The following USP8 variants were observed in gnomAD, a reference collection of about 807,000 sequenced individuals.
The protein encoded by USP8 is ubiquitin carboxyl-terminal hydrolase 8.
In USP8, 27 loss-of-function variants were observed where a neutral mutation model predicts 130.0. The ratio of observed to expected loss-of-function variants is 0.21; its 90% confidence interval spans 0.15 to 0.29. The LOEUF (loss-of-function observed/expected upper bound fraction) is 0.29, where lower values mean the gene tolerates loss of function less well. USP8 is among the 10% of genes least tolerant of loss of function. The pLI is 1.00. For missense variants in USP8, 1,029 were observed against 1,312.2 expected, an observed-to-expected ratio of 0.78 and a Z score of 3.33; for synonymous variants, 392 against 444.1, an observed-to-expected ratio of 0.88 and a Z score of 1.48.
intron 12 of USP8, among the ~76,000 whole-genome samples, chr15:50,485,634 C>A: frequency 7.8e-6 from 1 of 128,276 alleles, no homozygotes; most frequent in East Asian, 2.5e-4. Context: ...TAGAACATTG[C>A]CGTCACACCA....
intron 17 of USP8, 38 bp from the exon 18 acceptor site, chr15:50,497,051 G>A (rs748537198): frequency 4.0e-5 from 63 of 1,568,096 alleles, no homozygotes; most frequent in Non-Finnish European, 5.0e-5. Flanking sequence ...TTGAAGAATC[G>A]AATTAACGAG....
rs2052693501 is a variant in USP8 at position 50,508,466 on chromosome 15, AAAAG to A, written c.*9379_*9382del. 1.3e-5 allele frequency: 2 copies of A among 152,156 alleles called. No homozygotes were observed. The highest frequency in any genetic ancestry group is 4.1e-4 in the South Asian group (2 of 4,834). 9.4% of individuals were successfully genotyped at this position (152,156 alleles called of 1,614,324 possible). A position where few individuals can be genotyped will look rare whatever the true frequency, so the allele number is the denominator to read the frequency against. ...TATGTTTGAAATATTCTATAATAAA[AAAAG>A]GCAGAGAAAGTGGGAGATAGACATT... is the stretch of plus-strand genomic sequence containing the variant. On this transcript the variant is annotated 3_prime_UTR_variant, in exon 20 of 20. Coordinates refer to ENST00000307179, the MANE Select transcript of USP8 (RefSeq NM_005154.5).
At chr15:50,428,118 TTTTG>T (rs751403403) in intron 1 of USP8, among the ~76,000 whole-genome samples, 15 of 152,082 alleles carry the variant, frequency 9.9e-5, no homozygotes, top group Admixed American at 4.6e-4. Flanking sequence ...CAATTTAGTT[TTTTG>T]TTTGTTTGTT....
intron 1 of USP8, among the ~76,000 whole-genome samples, chr15:50,430,295 C>T (rs980897595): frequency 1.3e-5 from 2 of 152,032 alleles, no homozygotes; most frequent in African/African-American, 2.4e-5. Flanking sequence ...TTTGGTGAGC[C>T]GAGATTGCGC....
At chr15:50,457,886 A>AG (rs1430285037) in intron 4 of USP8, among the ~76,000 whole-genome samples, 8 of 151,888 alleles carry the variant, frequency 5.3e-5, no homozygotes, top group Admixed American at 4.6e-4. Context: ...AGAAAAGAAA[A>AG]AAAAAAGAAA....
chr15:50,435,664 A>C (rs1246163485), intron 1 of USP8, among the ~76,000 whole-genome samples: 1 of 152,214 alleles, frequency 6.6e-6, no homozygotes, highest in African/African-American at 2.4e-5. Context: ...TATTTTTAAC[A>C]CTAGGCATCC....
intron 1 of USP8, among the ~76,000 whole-genome samples, chr15:50,425,230 G>A (rs888977030): frequency 6.6e-6 from 1 of 152,162 alleles, no homozygotes; most frequent in African/African-American, 2.4e-5. Context: ...CAGAGCCTAA[G>A]GAATTTAGTA....
rs57263195 is a variant in USP8, at chr15:50,424,826, G to GTT, written c.-66+324_-66+325dup. ...TTTGACCTCTTTCCTCTTGCTTCCG[G>GTT]TTTTTTTTTTTTTCTGCAATCTGCC... On this transcript the variant is annotated intron_variant, in intron 1 of 19. Coordinates refer to ENST00000307179, the MANE Select transcript of USP8 (RefSeq NM_005154.5). Among the ~76,000 whole-genome samples, 170 of 144,562 alleles carry GTT rather than the reference G, an allele frequency of 1.2e-3. No individual in the cohort carries two copies. In the Middle Eastern group the frequency reaches 0.014, roughly 12 times the overall value. The allele number at this position is 144,562 out of a possible 152,430, so 94.8% of individuals were successfully genotyped here.
chr15:50,440,355 C>G lies in USP8; in HGVS notation c.105-994C>G, dbSNP rs1373316535. ...TATATGTAAGTTGGTTGTATCCAAA[C>G]TTGCATCTAACTTTGTATCAGTTCT... is the stretch of plus-strand genomic sequence containing the variant. On this transcript the variant is annotated intron_variant, in intron 2 of 19. Coordinates refer to ENST00000307179, the MANE Select transcript of USP8 (RefSeq NM_005154.5). Among the ~76,000 whole-genome samples, 3 of 152,160 alleles carry G rather than the reference C, an allele frequency of 2.0e-5. No homozygotes were observed. In the South Asian group the frequency reaches 6.2e-4, roughly 32 times the overall value.
intron 14 of USP8, among the ~76,000 whole-genome samples, chr15:50,491,186 C>A (rs77448434): frequency 5.9e-5 from 9 of 152,036 alleles, no homozygotes; most frequent in African/African-American, 2.2e-4. Flanking sequence ...TCTTTACTTA[C>A]TTTTTTGGGA....
intron 7 of USP8, among the ~76,000 whole-genome samples, chr15:50,471,335 C>G (rs1200558698): frequency 1.3e-5 from 2 of 152,198 alleles, no homozygotes; most frequent in Non-Finnish European, 2.9e-5. Context: ...ATAATTTTCT[C>G]TGTTTTCAGT....
intron 15 of USP8, 133 bp downstream of exon 15, chr15:50,493,046 T>G (rs765393683): frequency 3.1e-6 from 3 of 953,368 alleles, no homozygotes; most frequent in African/African-American, 3.3e-5. Flanking sequence ...GAACAAAAAT[T>G]TATTTTCTCT....
intron 3 of USP8, among the ~76,000 whole-genome samples, chr15:50,444,921 C>T (rs1343942822): frequency 3.3e-5 from 5 of 152,010 alleles, no homozygotes; most frequent in African/African-American, 1.2e-4. Flanking sequence ...CCACACCTGG[C>T]TAATTTTTTA....
intron 1 of USP8, among the ~76,000 whole-genome samples, chr15:50,434,775 A>C (rs952515478): frequency 6.6e-6 from 1 of 151,776 alleles, no homozygotes. Context: ...TGCCACCACC[A>C]CGCCTGGCTA....
In USP8 at chr15:50,441,235, T is replaced by C. The variant is rs2050249826; in HGVS notation, c.105-114T>C. On this transcript the variant is annotated intron_variant, in intron 2 of 19. Transcript: ENST00000307179. ...AACAGGCCGTGAACCAGTACCAATC[T>C]GTGGCCCTGGGGTTGGGGATCCCTG... The C allele has an allele frequency of 7.9e-6, 8 of 1,016,908 alleles. No individual in the cohort carries two copies. In the South Asian group the frequency reaches 1.6e-4, roughly 20 times the overall value. The allele number at this position is 1,016,908 out of a possible 1,614,324, so 63.0% of individuals were successfully genotyped here.
intron 1 of USP8, chr15:50,427,020 C>T (rs1412614283): frequency 6.7e-6 from 1 of 148,796 alleles, no homozygotes; most frequent in East Asian, 2.0e-4. Flanking sequence ...AGTGTACGAT[C>T]TCAGCTCACT....
chr15:50,483,836 A>T (rs1308240029), intron 11 of USP8, among the ~76,000 whole-genome samples: 2 of 152,138 alleles, frequency 1.3e-5, no homozygotes, highest in African/African-American at 4.8e-5. Flanking sequence ...GAAGATATGA[A>T]TATAGATTTT....
At chr15:50,433,885 G>T (rs768156985) in intron 1 of USP8, among the ~76,000 whole-genome samples, 1 of 152,206 alleles carries the variant, frequency 6.6e-6, no homozygotes, top group African/African-American at 2.4e-5. Flanking sequence ...GATTACAGGC[G>T]TGAGCCACTG....
chr15:50,440,473 T>C (rs1402151757), intron 2 of USP8, among the ~76,000 whole-genome samples: 7 of 152,172 alleles, frequency 4.6e-5, no homozygotes, highest in African/African-American at 1.7e-4. Flanking sequence ...TGGAAGACAG[T>C]TTTTCAATGG....
Sources: allele counts gnomAD v4.1 joint callset (sites outside exome capture counted in the v4.1 genomes callset), GRCh38; gene constraint gnomAD v4.1.1; transcripts MANE v1.5; gene names NCBI Gene and HGNC (gene_info 2026-07-23, HGNC 2026-07-21).